Variants in ADAMTS6 observed in about 807,000 individuals in gnomAD.
The protein encoded by ADAMTS6 is ADAM metallopeptidase with thrombospondin type 1 motif 6.
ADAMTS6 carries 23 observed loss-of-function variants against 144.3 expected under a neutral mutation model. The observed-to-expected ratio is 0.16, with a 90% CI of 0.11 to 0.23. The LOEUF is 0.23. Ranked by LOEUF, ADAMTS6 falls within the 10% of genes least tolerant of loss-of-function variation. The probability of loss-of-function intolerance (pLI) is 1.00; values close to 1 mark genes in which losing one functional copy is unlikely to be tolerated. For missense variants in ADAMTS6, 999 were observed against 1,379.6 expected (o/e 0.72, Z 4.37); for synonymous variants, 444 against 457.5 (o/e 0.97, Z 0.38).
intron 14 of ADAMTS6, chr5:65,251,370 G>A (rs1760143453): frequency 6.6e-6 from 1 of 152,314 alleles, no homozygotes; most frequent in Non-Finnish European, 1.5e-5. Context: ...CCAAACCCAG[G>A]TTCCAGAAGG....
chr5:65,314,725 T>G (rs769352753), intron 9 of ADAMTS6, among the ~76,000 whole-genome samples: 1 of 152,166 alleles, frequency 6.6e-6, no homozygotes. Flanking sequence ...ACCATGTAAA[T>G]TCTGTGTCCA....
At chr5:65,164,322 C>T (rs1270845419) in intron 24 of ADAMTS6, among the ~76,000 whole-genome samples, 38 of 150,834 alleles carry the variant, frequency 2.5e-4, no homozygotes, top group Non-Finnish European at 4.5e-4. Flanking sequence ...GCTTTTCAGA[C>T]CGGCTTAAAA....
chr5:65,373,689 A>G (rs1282084924), intron 7 of ADAMTS6, among the ~76,000 whole-genome samples: 6 of 152,176 alleles, frequency 3.9e-5, no homozygotes, highest in Non-Finnish European at 8.8e-5. Context: ...ACAAGGAGAA[A>G]CTGGTACCAT....
At chr5:65,288,367 T>A (rs1344138029) in intron 11 of ADAMTS6, among the ~76,000 whole-genome samples, 3 of 151,252 alleles carry the variant, frequency 2.0e-5, no homozygotes, top group African/African-American at 7.3e-5. Context: ...CAGGCTGGAC[T>A]GGAGTGCAGT....
intron 7 of ADAMTS6, among the ~76,000 whole-genome samples, chr5:65,421,608 C>T (rs1228656159): frequency 6.6e-6 from 1 of 152,122 alleles, no homozygotes; most frequent in Non-Finnish European, 1.5e-5. Context: ...ACTACAGTAA[C>T]AAAAACAGCA....
rs1761193986 is a variant in ADAMTS6 at position 65,481,425 on chromosome 5, T to G, written c.-362A>C. On this transcript the variant is annotated 5_prime_UTR_variant, in exon 1 of 25. Coordinates refer to ENST00000381055, the MANE Select transcript of ADAMTS6 (RefSeq NM_197941.4). ...GACGACTCACGTACTCCCTCTCCTC[T>G]CTAACTTTTTTTAATTTTTTTTATT... is the stretch of plus-strand genomic sequence containing the variant. 1 of 152,068 alleles carries G rather than the reference T, an allele frequency of 6.6e-6. No individual in the cohort carries two copies. The highest frequency in any genetic ancestry group is 2.1e-4 in the South Asian group (1 of 4,834). 9.4% of individuals were successfully genotyped at this position (152,068 alleles called of 1,614,324 possible).
At chr5:65,227,595 T>A (rs966325760) in intron 15 of ADAMTS6, among the ~76,000 whole-genome samples, 1 of 152,156 alleles carries the variant, frequency 6.6e-6, no homozygotes, top group Non-Finnish European at 1.5e-5. Context: ...CTCAGTGAAG[T>A]TCTTAGAAAT....
At chr5:65,273,981 A>T (rs1269186630) in intron 11 of ADAMTS6, among the ~76,000 whole-genome samples, 1 of 152,180 alleles carries the variant, frequency 6.6e-6, no homozygotes, top group East Asian at 1.9e-4. Flanking sequence ...ACATTCATAT[A>T]CGCCTAGGCA....
intron 7 of ADAMTS6, among the ~76,000 whole-genome samples, chr5:65,441,580 G>GAT (rs1382389431): frequency 6.6e-6 from 1 of 151,926 alleles, no homozygotes; most frequent in African/African-American, 2.4e-5. Context: ...TAATCTAATT[G>GAT]ATATATATAG....
chr5:65,297,059 C>CTAAA, intron 10 of ADAMTS6: 1 of 367,040 alleles, frequency 2.7e-6, no homozygotes, highest in South Asian at 2.2e-5. Context: ...TCTCTATAGT[C>CTAAA]TAAATAAATA....
intron 11 of ADAMTS6, among the ~76,000 whole-genome samples, chr5:65,288,355 C>G (rs1741919081): frequency 6.6e-6 from 1 of 150,638 alleles, no homozygotes; most frequent in African/African-American, 2.4e-5. Flanking sequence ...CCCTCTGTAG[C>G]CCAGGCTGGA....
At chr5:65,478,780 C>T (rs1187954888) in intron 1 of ADAMTS6, among the ~76,000 whole-genome samples, 1 of 152,096 alleles carries the variant, frequency 6.6e-6, no homozygotes, top group East Asian at 1.9e-4. Context: ...AAAACAGAAC[C>T]AAAACGTCCA....
intron 7 of ADAMTS6, among the ~76,000 whole-genome samples, chr5:65,444,973 T>A (rs568988930): frequency 6.6e-6 from 1 of 152,244 alleles, no homozygotes; most frequent in South Asian, 2.1e-4. Flanking sequence ...TTTTAAATGA[T>A]TGAGTGTCTG....
chr5:65,192,113 A>G (rs1755052035), intron 21 of ADAMTS6, among the ~76,000 whole-genome samples: 1 of 152,114 alleles, frequency 6.6e-6, no homozygotes. Flanking sequence ...GTGAGGTCCA[A>G]TGACTCAGAA....
intron 22 of ADAMTS6, among the ~76,000 whole-genome samples, chr5:65,185,324 G>T (rs1754605970): frequency 6.6e-6 from 1 of 152,160 alleles, no homozygotes; most frequent in Non-Finnish European, 1.5e-5. Context: ...TACCCCCTTG[G>T]GGAAATAAAC....
At chr5:65,396,108 T>C (rs1753311269) in intron 7 of ADAMTS6, among the ~76,000 whole-genome samples, 1 of 152,200 alleles carries the variant, frequency 6.6e-6, no homozygotes, top group African/African-American at 2.4e-5. Flanking sequence ...GATTATTTAT[T>C]TCATCATAGG....
At position 65,151,799 on chromosome 5, in the gene ADAMTS6, A is replaced by T. The variant is rs1191858507; in HGVS notation, c.*37T>A. The T allele has an allele frequency of 1.9e-6, 3 of 1,546,738 alleles. No individual in the cohort carries two copies. The South Asian group carries it at 3.4e-5, about 17-fold the overall frequency. ...TCTCTTTGATGGATGCATTTCCATG[A>T]TGAAATGACAAGGCACTCTCTCTGG... On this transcript the variant is annotated 3_prime_UTR_variant, in exon 25 of 25. Coordinates refer to ENST00000381055, the MANE Select transcript of ADAMTS6 (RefSeq NM_197941.4).
chr5:65,331,229 T>C (rs1694245298), intron 8 of ADAMTS6, among the ~76,000 whole-genome samples: 1 of 152,098 alleles, frequency 6.6e-6, no homozygotes, highest in South Asian at 2.1e-4. Context: ...TTACTAAGAA[T>C]AATTATTGTT....
At chr5:65,433,008 A>G (rs749226398) in intron 7 of ADAMTS6, among the ~76,000 whole-genome samples, 1 of 152,050 alleles carries the variant, frequency 6.6e-6, no homozygotes, top group Non-Finnish European at 1.5e-5. Flanking sequence ...AAAAATACTG[A>G]CCATTTAGTT....
Sources: allele counts gnomAD v4.1 joint callset (sites outside exome capture counted in the v4.1 genomes callset), GRCh38; gene constraint gnomAD v4.1.1; transcripts MANE v1.5; gene names NCBI Gene and HGNC (gene_info 2026-07-23, HGNC 2026-07-21).